ERC1: variants seen among roughly 807,000 people sequenced by gnomAD.
ERC1 encodes RAB6 interacting protein 2.
In ERC1, 56 loss-of-function variants were observed where a neutral mutation model predicts 132.0. That is an observed-to-expected ratio of 0.42 (90% CI 0.34 to 0.53). The LOEUF (loss-of-function observed/expected upper bound fraction) is 0.53, where lower values mean the gene tolerates loss of function less well. ERC1 is among the 20% of genes least tolerant of loss of function. The pLI is 0.03. For missense variants in ERC1, 1,202 were observed against 1,349.9 expected, an observed-to-expected ratio of 0.89 and a Z score of 1.72; for synonymous variants, 478 against 476.1, an observed-to-expected ratio of 1.00 and a Z score of -0.05.
intron 16 of ERC1, among the ~76,000 whole-genome samples, chr12:1,395,485 A>G (rs1244811300): frequency 1.3e-5 from 2 of 151,936 alleles, no homozygotes; most frequent in Non-Finnish European, 2.9e-5. Context: ...GAGAGAAAAT[A>G]TAGGCTGCTC....
chr12:1,434,530 C>T (rs531024766), intron 17 of ERC1, among the ~76,000 whole-genome samples: 3 of 152,180 alleles, frequency 2.0e-5, no homozygotes, highest in African/African-American at 4.8e-5. Flanking sequence ...AGTATCAGTC[C>T]GTTCTGTCAA....
chr12:1,254,363 G>C (rs753868716), intron 13 of ERC1, among the ~76,000 whole-genome samples: 7 of 152,042 alleles, frequency 4.6e-5, no homozygotes, highest in Non-Finnish European at 7.4e-5. Context: ...TATTCCCCTA[G>C]GCTGCCAATT....
intron 3 of ERC1, among the ~76,000 whole-genome samples, chr12:1,096,175 G>T (rs1444291099): frequency 6.6e-6 from 1 of 152,136 alleles, no homozygotes; most frequent in Non-Finnish European, 1.5e-5. Flanking sequence ...TGATCTGCCT[G>T]CCTTGGTTTC....
intron 12 of ERC1, among the ~76,000 whole-genome samples, chr12:1,223,585 G>T (rs1055548731): frequency 6.6e-6 from 1 of 152,142 alleles, no homozygotes; most frequent in Non-Finnish European, 1.5e-5. Context: ...ACTTCTGGTG[G>T]CAGAGACAAG....
At chr12:1,266,941 A>G (rs531149640) in intron 14 of ERC1, among the ~76,000 whole-genome samples, 123 of 152,350 alleles carry the variant, frequency 8.1e-4, no homozygotes, top group African/African-American at 2.9e-3. Flanking sequence ...CTCCAAGAGC[A>G]AAGTAAAATT....
chr12:1,000,487 GA>G lies in ERC1; in HGVS notation c.-157+9180del, dbSNP rs10716503. Among the ~76,000 whole-genome samples the G allele has an allele frequency of 3.3e-3, 433 of 130,442 alleles. 1 individual carries two copies. The highest frequency in any genetic ancestry group is 3.8e-3 in the Non-Finnish European group (227 of 59,896). The allele number at this position is 130,442 out of a possible 152,430, so 85.6% of individuals were successfully genotyped here. A position where few individuals can be genotyped will look rare whatever the true frequency, so the allele number is the denominator to read the frequency against. On this transcript the variant is annotated intron_variant, in intron 1 of 18. Coordinates refer to ENST00000360905, the MANE Select transcript of ERC1 (RefSeq NM_178040.4). Reference sequence around the variant, plus strand: ...GATGACAGAGCGAGACCCTGTCTCAGAAAAAAAAAAAAAAATAACCCAATGG... The same window carrying G: ...GATGACAGAGCGAGACCCTGTCTCAGAAAAAAAAAAAAAATAACCCAATGG...
chr12:1,381,857 TTTCATTCACGTA>T (rs1284339533), intron 16 of ERC1, among the ~76,000 whole-genome samples: 1 of 152,230 alleles, frequency 6.6e-6, no homozygotes, highest in Non-Finnish European at 1.5e-5. Flanking sequence ...CTGTGCTTTT[TTTCATTCACGTA>T]TTCATTTTCC....
chr12:990,706 T>TC (rs928279551), upstream of ERC1: 10 of 151,680 alleles, frequency 6.6e-5, no homozygotes, highest in African/African-American at 9.7e-5. Context: ...GGACAAAGCG[T>TC]CCCCCCAGCA....
At chr12:1,381,756 C>G (rs765985761) in intron 16 of ERC1, among the ~76,000 whole-genome samples, 31 of 152,142 alleles carry the variant, frequency 2.0e-4, no homozygotes, top group Admixed American at 2.0e-3. Context: ...AGCTCAATCT[C>G]CACTTTAAAC....
chr12:1,110,293 A>G lies in ERC1; in HGVS notation c.1263A>G (p.Glu421=). The G allele has an allele frequency of 6.2e-7, 1 of 1,613,756 alleles. No individual in the cohort carries two copies. The highest frequency in any genetic ancestry group is 8.5e-7 in the Non-Finnish European group (1 of 1,179,794). ...NGALSTEERE[E]EMKQMEVYRS... ...CTTTGAGTACTGAGGAAAGGGAAGA[A>G]GAAATGAAGCAAATGGAAGTGTATC... Residue 421 remains glutamate (E), a synonymous_variant, in exon 5 of 19, where the codon GAA becomes GAG. Coordinates refer to ENST00000360905, the MANE Select transcript of ERC1 (RefSeq NM_178040.4).
At chr12:1,274,524 G>T (rs1176670482) in intron 14 of ERC1, among the ~76,000 whole-genome samples, 8 of 147,994 alleles carry the variant, frequency 5.4e-5, no homozygotes, top group Non-Finnish European at 1.5e-5. Context: ...ACAGAGTCTT[G>T]CTCTGTTGCC....
rs67132193 is a variant in ERC1, at chr12:1,225,449, TACACACACACACAC to T, written c.2352-11289_2352-11276del. On this transcript the variant is annotated intron_variant, in intron 12 of 18. Coordinates refer to ENST00000360905, the MANE Select transcript of ERC1 (RefSeq NM_178040.4). ...AGGACAACAAAATGAGGCTGTCTCT[TACACACACACACAC>T]ACACACACACACACACACACACACA... is the stretch of plus-strand genomic sequence containing the variant. 4.3e-3 allele frequency among the ~76,000 whole-genome samples: 561 copies of T among 131,844 alleles called. 2 individuals carry two copies. The highest frequency in any genetic ancestry group is 8.9e-3 in the Admixed American group (118 of 13,210). 86.5% of individuals were successfully genotyped at this position (131,844 alleles called of 152,430 possible).
chr12:1,192,136 G>A (rs1955796137), intron 12 of ERC1, among the ~76,000 whole-genome samples: 1 of 152,118 alleles, frequency 6.6e-6, no homozygotes, highest in Admixed American at 6.6e-5. Context: ...GGACTTCCTG[G>A]CAACTGTTAT....
rs1942506229 is a variant in ERC1, at chr12:1,083,367, G to A, written c.873G>A (p.Met291Ile). Residue 291 changes from methionine to isoleucine, a missense_variant, in exon 3 of 19, where the codon ATG becomes ATA. Transcript: ENST00000360905. ...LFLLRKTLEE[M>I]ELRIETQKQT... ...TTCTTCGAAAGACATTGGAGGAAATGGAGCTGCGTATTGAGACTCAAAAGC... is the reference window on the plus strand; with the variant it reads ...TTCTTCGAAAGACATTGGAGGAAATAGAGCTGCGTATTGAGACTCAAAAGC... The A allele has an allele frequency of 8.1e-6, 13 of 1,614,152 alleles. No homozygotes were observed. Among genetic ancestry groups the A allele is most frequent in the Non-Finnish European group, 1.0e-5 (12 of 1,180,026 alleles).
chr12:1,231,894 C>T (rs1235614738), intron 12 of ERC1, among the ~76,000 whole-genome samples: 1 of 152,120 alleles, frequency 6.6e-6, no homozygotes, highest in Admixed American at 6.5e-5. Context: ...CGCCCGCCAC[C>T]ACGCCCAGCT....
chr12:1,282,978 A>G (rs1240549824), intron 14 of ERC1, among the ~76,000 whole-genome samples: 2 of 152,204 alleles, frequency 1.3e-5, no homozygotes, highest in South Asian at 4.1e-4. Flanking sequence ...CTTGGAAACT[A>G]CAAAAAGTGT....
intron 13 of ERC1, among the ~76,000 whole-genome samples, chr12:1,261,666 C>CTTTTG (rs371551466): frequency 0.024 from 3,644 of 151,700 alleles, 140 homozygotes; most frequent in African/African-American, 0.083. Context: ...CGTTTGTTTT[C>CTTTTG]TTTTGTTTTG....
intron 13 of ERC1, among the ~76,000 whole-genome samples, chr12:1,253,243 C>T (rs1263981216): frequency 6.6e-6 from 1 of 152,202 alleles, no homozygotes; most frequent in African/African-American, 2.4e-5. Context: ...CTACCATCAT[C>T]AAGTAGCTCT....
chr12:1,006,503 C>T (rs1294909406), intron 1 of ERC1, among the ~76,000 whole-genome samples: 1 of 152,128 alleles, frequency 6.6e-6, no homozygotes, highest in African/African-American at 2.4e-5. Context: ...CCCACCTTGC[C>T]TCCTGCATAG....
Sources: allele counts gnomAD v4.1 joint callset (sites outside exome capture counted in the v4.1 genomes callset), GRCh38; gene constraint gnomAD v4.1.1; transcripts MANE v1.5; gene names NCBI Gene and HGNC (gene_info 2026-07-23, HGNC 2026-07-21).